LRRC71: variants seen among roughly 807,000 people sequenced by gnomAD.
LRRC71 encodes leucine-rich repeat-containing protein 71.
Under a neutral mutation model 66.6 loss-of-function variants are expected in LRRC71, and 54 were observed. The observed-to-expected ratio is 0.81, with a 90% confidence interval of 0.65 to 1.02. The LOEUF (loss-of-function observed/expected upper bound fraction) is 1.02. Among genes scored for constraint, LRRC71 ranks in the 50% least tolerant of loss-of-function variants. The pLI is 0.00. For synonymous variants in LRRC71, 323 were observed against 303.9 expected (o/e 1.06, Z -0.65); for missense variants, 724 against 718.0 (o/e 1.01, Z -0.10).
chr1:156,932,743 G>C lies in LRRC71; in HGVS notation c.1564-110G>C. On this transcript the variant is annotated intron_variant, in intron 14 of 14. Coordinates refer to ENST00000337428, the MANE Select transcript of LRRC71 (RefSeq NM_144702.3). ...CAGTATTAATCACTCTGCTTTTTCT[G>C]CATGTCCCCCAGCCCCTAACCCACC... The C allele has an allele frequency of 2.7e-6, 4 of 1,488,218 alleles. No homozygotes were observed. In the South Asian group the frequency reaches 4.8e-5, roughly 18 times the overall value. 92.2% of individuals were successfully genotyped at this position (1,488,218 alleles called of 1,614,324 possible).
In LRRC71 at chr1:156,920,826, CG is replaced by C; in HGVS notation, c.28del (p.Ala10ProfsTer17). 2.0e-6 allele frequency: 3 copies of C among 1,531,080 alleles called. No individual in the cohort carries two copies. The highest frequency in any genetic ancestry group is 2.1e-5 in the Admixed American group (1 of 48,516). 94.8% of individuals were successfully genotyped at this position (1,531,080 alleles called of 1,614,324 possible). On this transcript the variant is annotated frameshift_variant, in exon 1 of 15. Transcript: ENST00000337428. LOFTEE classifies it high-confidence loss of function. This position sits in a 1 kb window ranked among gnomAD's most constrained non-coding sequence, Gnocchi z 4.9. ...AGCATGTCGAGCGAGCAGAGCGCGC[CG>C]GGGGCCTCACCCAGGGCCCCGCGTC... MSSEQSA[P>X]GASPRAPRPG...
rs781173647 is a variant in LRRC71 at position 156,927,197 on chromosome 1, CTCAGGAAGG to C, written c.594-3_599del. ...TTCTGGTTCTCAGATCTCCCCTGCCCTCAGGAAGGTGTCTCTGGAGGGGAACCCACTGCC... is the reference window on the plus strand; with the variant it reads ...TTCTGGTTCTCAGATCTCCCCTGCCCTGTCTCTGGAGGGGAACCCACTGCC... On this transcript the variant is annotated splice_acceptor_variant and splice_polypyrimidine_tract_variant and coding_sequence_variant and intron_variant, in exon 6 of 15. Transcript: ENST00000337428. LOFTEE classifies it high-confidence loss of function. 6.8e-6 allele frequency: 11 copies of C among 1,611,052 alleles called. No individual in the cohort carries two copies. The highest frequency in any genetic ancestry group is 1.3e-5 in the African/African-American group (1 of 74,856).
intron 5 of LRRC71, among the ~76,000 whole-genome samples, chr1:156,926,603 C>G (rs2101616487): frequency 7.1e-6 from 1 of 140,620 alleles, no homozygotes. Context: ...GAGACAGAGT[C>G]TTGCTATGTC....
At chr1:156,927,351 C>A in intron 6 of LRRC71, 81 bp downstream of exon 6, 1 of 1,551,254 alleles carries the variant, frequency 6.4e-7, no homozygotes, top group Non-Finnish European at 8.8e-7. Context: ...CCTTCCTTGT[C>A]CCCCTACCAT....
downstream of LRRC71, chr1:156,935,987 G>T: frequency 3.1e-6 from 5 of 1,610,222 alleles, no homozygotes; most frequent in Non-Finnish European, 4.2e-6. Flanking sequence ...AGAGGATTTG[G>T]TGGTTTGTAC....
At chr1:156,922,468 G>A (rs1652538566) in intron 1 of LRRC71, among the ~76,000 whole-genome samples, 1 of 152,208 alleles carries the variant, frequency 6.6e-6, no homozygotes, top group African/African-American at 2.4e-5. Flanking sequence ...GGCTGATATA[G>A]GAAGGTGTAG....
intron 9 of LRRC71, among the ~76,000 whole-genome samples, chr1:156,928,479 T>TTCCTCCTCCTCCTCTCCTTCCTCC (rs1653730441): frequency 7.9e-6 from 1 of 126,588 alleles, no homozygotes; most frequent in Non-Finnish European, 1.6e-5. Flanking sequence ...CTTCTTCCTC[T>TTCCTCCTCCTCCTCTCCTTCCTCC]TCCTCCTCCT....
chr1:156,937,339 G>A, downstream of LRRC71: 2 of 1,613,612 alleles, frequency 1.2e-6, no homozygotes, highest in South Asian at 1.1e-5. Context: ...GAGAGCGGCT[G>A]GGGCGTCTTG....
intron 12 of LRRC71, 99 bp downstream of exon 12, chr1:156,930,716 GC>G: frequency 8.9e-7 from 1 of 1,123,156 alleles, no homozygotes; most frequent in Non-Finnish European, 1.3e-6. Context: ...GTGGTCTCCA[GC>G]CCCATGCTGT....
chr1:156,930,766 T>C (rs983252433), intron 12 of LRRC71, 149 bp downstream of exon 12: 12 of 681,878 alleles, frequency 1.8e-5, no homozygotes, highest in Non-Finnish European at 3.0e-5. Context: ...CCTCCACTCC[T>C]GTCCCAACCT....
At chr1:156,929,758 T>G in intron 11 of LRRC71, 29 bp downstream of exon 11, 1 of 1,537,310 alleles carries the variant, frequency 6.5e-7, no homozygotes, top group Non-Finnish European at 8.8e-7. Flanking sequence ...GGGTGGCATC[T>G]TCCTGTGTGG....
At position 156,932,012 on chromosome 1, in the gene LRRC71, C is replaced by T. The variant is rs1199337622; in HGVS notation, c.1426C>T (p.His476Tyr). The change falls in exon 13 of 15, where the codon CAC (histidine) becomes TAC (tyrosine). Residue 476 changes from histidine (H) to tyrosine (Y), a missense_variant. Transcript: ENST00000337428. ...CATGCCTGGGAACAAGGTCCTTTTG[C>T]ACCTCAACCTCATCCGTATGTCTGC... Reference protein sequence around the residue: ...VFMPGNKVLLHLNLIRNRITE... With the variant: ...VFMPGNKVLLYLNLIRNRITE... 1.3e-6 allele frequency: 2 copies of T among 1,595,058 alleles called. No homozygotes were observed. The highest frequency in any genetic ancestry group is 2.3e-5 in the East Asian group (1 of 44,266).
intron 2 of LRRC71, 126 bp from the exon 3 acceptor site, chr1:156,924,298 C>CA: frequency 7.3e-7 from 1 of 1,379,258 alleles, no homozygotes; most frequent in South Asian, 1.4e-5. Flanking sequence ...GCCGGAGAGG[C>CA]AGAGTCCGCA....
the LRRC71 span, among the ~76,000 whole-genome samples, chr1:156,940,704 C>A: frequency 0.022 from 3,425 of 152,242 alleles, 128 homozygotes; most frequent in African/African-American, 0.078. Flanking sequence ...GCAGTAACTT[C>A]CACCGGAAAG....
At chr1:156,935,243 G>C (rs1474575993), downstream of LRRC71, 1 of 152,312 alleles carries the variant, frequency 6.6e-6, no homozygotes, top group Non-Finnish European at 1.5e-5. Flanking sequence ...ATCTTGTGAA[G>C]ATGAGAAGTC....
chr1:156,940,737 G>A, the LRRC71 span, among the ~76,000 whole-genome samples: 1 of 152,296 alleles, frequency 6.6e-6, no homozygotes, highest in South Asian at 2.1e-4. Flanking sequence ...ACAGGGCATG[G>A]GGCTAGGGGC....
chr1:156,932,226 G>A, intron 13 of LRRC71, 198 bp from the exon 14 acceptor site: 1 of 659,390 alleles, frequency 1.5e-6, no homozygotes, highest in South Asian at 1.9e-5. Context: ...ACAGGCGATT[G>A]GAGTAATGAG....
At position 156,932,889 on chromosome 1, in the gene LRRC71, A is replaced by G. The variant is rs200590306; in HGVS notation, c.1600A>G (p.Ile534Val). The G allele has an allele frequency of 5.5e-5, 89 of 1,608,440 alleles. 2 individuals are homozygous for G. In the East Asian group the frequency reaches 2.0e-3, roughly 36 times the overall value. ...CGCCCCACAATGTCCTGCGTACGCCATAATCCAGGAGCTGATGTTGCCAAG... is the reference window on the plus strand; with the variant it reads ...CGCCCCACAATGTCCTGCGTACGCCGTAATCCAGGAGCTGATGTTGCCAAG... ...CFAPQCPAYAIIQELMLPRDP... is the reference protein window; with the variant it reads ...CFAPQCPAYAVIQELMLPRDP... The change falls in exon 15 of 15, where the codon ATA becomes GTA. Residue 534 changes from isoleucine to valine, a missense_variant. Coordinates refer to ENST00000337428, the MANE Select transcript of LRRC71 (RefSeq NM_144702.3).
At chr1:156,933,189 A>G, downstream of LRRC71, 1 of 509,826 alleles carries the variant, frequency 2.0e-6, no homozygotes, top group South Asian at 2.8e-5. Flanking sequence ...AGTGGTCTGA[A>G]TTACAGTTCC....
Sources: gnomAD v4.1 joint callset for allele counts (sites outside exome capture counted in the v4.1 genomes callset) on GRCh38, gnomAD v4.1.1 for gene constraint, Gnocchi (gnomAD v3.1) non-coding constraint, MANE v1.5 for transcripts, NCBI Gene and HGNC (gene_info 2026-07-23, HGNC 2026-07-21) for gene names.